The following EYS variants were observed in gnomAD, a reference collection of about 807,000 sequenced individuals.
The protein encoded by EYS is EGF-like photoreceptor maintenance factor.
EYS carries 250 observed loss-of-function variants against 282.1 expected under a neutral mutation model. The ratio of observed to expected loss-of-function variants is 0.89; its 90% confidence interval spans 0.80 to 0.98. EYS has a LOEUF of 0.98. Ranked by LOEUF, EYS falls within the 50% of genes least tolerant of loss-of-function variation. The probability of loss-of-function intolerance (pLI) is 0.00; values close to 1 mark genes in which losing one functional copy is unlikely to be tolerated. For synonymous variants in EYS, 1,355 were observed against 1,282.9 expected, an observed-to-expected ratio of 1.06 and a Z score of -1.20; for missense variants, 4,016 against 3,709.0, an observed-to-expected ratio of 1.08 and a Z score of -2.15.
chr6:63,779,690 C>T (rs1217713932), intron 39 of EYS, among the ~76,000 whole-genome samples: 1 of 149,594 alleles, frequency 6.7e-6, no homozygotes, highest in African/African-American at 2.5e-5. Context: ...AAAATAAAGG[C>T]AAGATTGAAT....
At chr6:64,690,417 T>G (rs1338662848) in intron 22 of EYS, among the ~76,000 whole-genome samples, 1 of 152,184 alleles carries the variant, frequency 6.6e-6, no homozygotes, top group Non-Finnish European at 1.5e-5. Context: ...GAAGACAGTG[T>G]GGCGATTCCT....
At chr6:65,689,969 T>C (rs571437602) in intron 1 of EYS, among the ~76,000 whole-genome samples, 69 of 150,032 alleles carry the variant, frequency 4.6e-4, no homozygotes, top group African/African-American at 1.6e-3. Flanking sequence ...ATGCACTGGA[T>C]ATACCAGCAT....
intron 19 of EYS, among the ~76,000 whole-genome samples, chr6:64,835,617 CT>C (rs1765358515): frequency 1.3e-5 from 2 of 151,610 alleles, no homozygotes; most frequent in African/African-American, 4.8e-5. Context: ...CAGTTGTGTC[CT>C]TATTTTACAT....
intron 2 of EYS, among the ~76,000 whole-genome samples, chr6:65,557,447 A>G (rs867383129): frequency 1.1e-4 from 17 of 152,322 alleles, no homozygotes; most frequent in Admixed American, 2.6e-4. Context: ...GACATACAAC[A>G]TGCCACAAGC....
chr6:64,396,471 T>C (rs2150433034), intron 28 of EYS, among the ~76,000 whole-genome samples: 1 of 152,266 alleles, frequency 6.6e-6, no homozygotes, highest in South Asian at 2.1e-4. Context: ...TCTTAATTTA[T>C]ACCAATTGAT....
At chr6:64,659,860 G>C (rs1277970486) in intron 22 of EYS, among the ~76,000 whole-genome samples, 1 of 152,126 alleles carries the variant, frequency 6.6e-6, no homozygotes, top group Non-Finnish European at 1.5e-5. Flanking sequence ...AATAGAAAAA[G>C]AGGGACTCCT....
At chr6:65,505,916 T>C (rs934410750) in intron 2 of EYS, among the ~76,000 whole-genome samples, 5 of 152,172 alleles carry the variant, frequency 3.3e-5, no homozygotes, top group Non-Finnish European at 7.4e-5. Context: ...TAGTGCTGAC[T>C]GGTCAAGCAT....
At chr6:65,410,901 A>G (rs1452795784) in intron 5 of EYS, among the ~76,000 whole-genome samples, 1 of 151,976 alleles carries the variant, frequency 6.6e-6, no homozygotes, top group Non-Finnish European at 1.5e-5. Flanking sequence ...TGTGAGAAGG[A>G]TGGAAATGGT....
intron 41 of EYS, among the ~76,000 whole-genome samples, chr6:63,740,366 G>A (rs149461893): frequency 1.9e-4 from 29 of 152,172 alleles, no homozygotes; most frequent in Non-Finnish European, 2.5e-4. Context: ...GACGTGACTT[G>A]CTCCTCCTTG....
chr6:64,709,701 C>T (rs1159005782), intron 22 of EYS, among the ~76,000 whole-genome samples: 1 of 152,148 alleles, frequency 6.6e-6, no homozygotes, highest in East Asian at 1.9e-4. Flanking sequence ...GAGCTAGATG[C>T]CACATATGAA....
At chr6:64,254,721 C>T (rs943551669) in intron 30 of EYS, among the ~76,000 whole-genome samples, 3 of 152,162 alleles carry the variant, frequency 2.0e-5, no homozygotes, top group African/African-American at 4.8e-5. Flanking sequence ...CATCCACTCC[C>T]GTATTCTTGC....
intron 28 of EYS, among the ~76,000 whole-genome samples, chr6:64,423,794 C>T (rs926168279): frequency 6.6e-6 from 1 of 151,972 alleles, no homozygotes; most frequent in South Asian, 2.1e-4. Context: ...GACGACAGAG[C>T]AAGACTCCAT....
rs71551560 is a variant in EYS, at chr6:64,085,340, G to GCACACACACACACACACACA, written c.6425-3358_6425-3339dup. On this transcript the variant is annotated intron_variant, in intron 31 of 42. Coordinates refer to ENST00000503581, the MANE Select transcript of EYS (RefSeq NM_001142800.2). ...CGCGCGCGCGTGCGCACGTGCGCGC[G>GCACACACACACACACACACA]CACACACACACACACACACACACAC... Among the ~76,000 whole-genome samples, 636 of 139,828 alleles carry GCACACACACACACACACACA rather than the reference G, an allele frequency of 4.5e-3. 7 individuals are homozygous for GCACACACACACACACACACA. The highest frequency in any genetic ancestry group is 0.016 in the African/African-American group (584 of 35,698). 91.7% of individuals were successfully genotyped at this position (139,828 alleles called of 152,430 possible).
At chr6:64,650,948 G>A (rs1268325340) in intron 22 of EYS, among the ~76,000 whole-genome samples, 4 of 151,958 alleles carry the variant, frequency 2.6e-5, no homozygotes, top group African/African-American at 9.7e-5. Context: ...CACGTTTATT[G>A]TTTGACTAAT....
chr6:64,053,808 C>T (rs927687239), intron 33 of EYS, among the ~76,000 whole-genome samples: 1 of 152,112 alleles, frequency 6.6e-6, no homozygotes, highest in South Asian at 2.1e-4. Context: ...AATGCCATTT[C>T]CTTTTTTGCA....
At chr6:64,091,567 T>A (rs1225721636) in intron 31 of EYS, among the ~76,000 whole-genome samples, 1 of 152,182 alleles carries the variant, frequency 6.6e-6, no homozygotes, top group Non-Finnish European at 1.5e-5. Flanking sequence ...ACAATTAAGC[T>A]GCTGCGTGCT....
chr6:64,518,787 C>CA (rs899218535), intron 26 of EYS, among the ~76,000 whole-genome samples: 6 of 150,996 alleles, frequency 4.0e-5, no homozygotes, highest in African/African-American at 1.5e-4. Flanking sequence ...GGGGCCCCCC[C>CA]CTTCTCAGGG....
At chr6:64,045,636 G>A (rs981614294) in intron 33 of EYS, among the ~76,000 whole-genome samples, 9 of 150,420 alleles carry the variant, frequency 6.0e-5, no homozygotes, top group Non-Finnish European at 8.9e-5. Flanking sequence ...TAGTAGAGAC[G>A]GGGTTTCACC....
rs537723833 is a variant in EYS at position 65,398,394 on chromosome 6, A to G, written c.1184+4084T>C. ...GGGGAAAGAACATCCTATTCAATAA[A>G]TAGTGCTGGGAAAAATAAAGAATTA... On this transcript the variant is annotated intron_variant, in intron 7 of 42. Coordinates refer to ENST00000503581, the MANE Select transcript of EYS (RefSeq NM_001142800.2). Among the ~76,000 whole-genome samples, 4 of 152,220 alleles carry G rather than the reference A, an allele frequency of 2.6e-5. No individual in the cohort carries two copies. In the South Asian group the frequency reaches 8.3e-4, roughly 32 times the overall value.
Sources: allele counts gnomAD v4.1 joint callset (sites outside exome capture counted in the v4.1 genomes callset), GRCh38; gene constraint gnomAD v4.1.1; transcripts MANE v1.5; gene names NCBI Gene and HGNC (gene_info 2026-07-23, HGNC 2026-07-21).